The following SMPD2 variants were observed in gnomAD, a reference collection of about 807,000 sequenced individuals.
The protein encoded by SMPD2 is N-SMase.
A neutral mutation model predicts 41.7 loss-of-function variants in SMPD2; 35 were observed. The ratio of observed to expected loss-of-function variants is 0.84; its 90% CI spans 0.64 to 1.11. SMPD2 has a LOEUF of 1.11. Among genes scored for constraint, SMPD2 ranks in the 50% most tolerant of loss-of-function variants. SMPD2 has a pLI of 0.00. For missense variants in SMPD2, 520 were observed against 524.8 expected (o/e 0.99, Z 0.09); for synonymous variants, 201 against 208.2 (o/e 0.97, Z 0.30).
In SMPD2 at chr6:109,443,378, G is replaced by C. The variant is rs367809431; in HGVS notation, c.841G>C (p.Val281Leu). 115 of 1,613,936 alleles carry C rather than the reference G, an allele frequency of 7.1e-5. No homozygotes were observed. Among genetic ancestry groups the C allele is most frequent in the Non-Finnish European group, 9.6e-5 (113 of 1,180,014 alleles). ...DHEALMATLF[V>L]RHSPPQQNPS... is the part of the protein sequence containing the mutation. ...TGAAGCCCTGATGGCTACTCTGTTT[G>C]TGAGGCACAGCCCCCCACAGCAGAA... Residue 281 changes from valine (V) to leucine (L), a missense_variant, in exon 9 of 10, where the codon GTG becomes CTG. Physicochemically the swap from Val to Leu is conservative, Grantham distance 32. Transcript: ENST00000258052.
chr6:109,441,535 C>G lies in SMPD2; in HGVS notation c.148-17C>G, dbSNP rs1237226050. On this transcript the variant is annotated splice_polypyrimidine_tract_variant and intron_variant, in intron 2 of 9. Transcript: ENST00000258052. ...ACTGGGGAAAGACCAAGCAGGCATC[C>G]TCACCGCTTCCCTCAGGTGTGGAGT... 1 of 1,614,090 alleles carries G rather than the reference C, an allele frequency of 6.2e-7. No homozygotes were observed. Among genetic ancestry groups the G allele is most frequent in the Non-Finnish European group, 8.5e-7 (1 of 1,179,912 alleles).
rs1422813336 is a variant in SMPD2 at position 109,442,812 on chromosome 6, A to G, written c.552A>G (p.Glu184=). The change falls in exon 7 of 10, where the codon GAA becomes GAG. Residue 184 remains glutamate, a synonymous_variant. Coordinates refer to ENST00000258052, the MANE Select transcript of SMPD2 (RefSeq NM_003080.3). ...LLCGDLNMHP[E]DLGCCLLKEW... ...GTGGAGACCTCAACATGCACCCAGAAGACCTGGGCTGCTGCCTGCTGAAGG... is the reference window on the plus strand; with the variant it reads ...GTGGAGACCTCAACATGCACCCAGAGGACCTGGGCTGCTGCCTGCTGAAGG... The G allele has an allele frequency of 6.2e-7, 1 of 1,614,164 alleles. No homozygotes were observed.
In SMPD2 at chr6:109,443,536, G is replaced by A. The variant is rs761358052; in HGVS notation, c.903G>A (p.Pro301=). The A allele has an allele frequency of 1.7e-5, 28 of 1,612,340 alleles. No individual in the cohort carries two copies. The highest frequency in any genetic ancestry group is 6.7e-5 in the African/African-American group (5 of 74,906). ...TTGTAGGACCAGCAGAGAGGTCGCCGTTGATGTGTGTGCTAAAGGAGGCCT... is the reference window on the plus strand; with the variant it reads ...TTGTAGGACCAGCAGAGAGGTCGCCATTGATGTGTGTGCTAAAGGAGGCCT... ...SSTHGPAERS[P]LMCVLKEAWT... Residue 301 remains proline, a synonymous_variant, in exon 10 of 10, where the codon CCG becomes CCA. Transcript: ENST00000258052.
In SMPD2 at chr6:109,442,311, T is replaced by C. The variant is rs946353268; in HGVS notation, c.408+12T>C. On this transcript the variant is annotated intron_variant, in intron 5 of 9. Transcript: ENST00000258052. ...CCTATGTGACCCATGTGAGTGAAGC[T>C]GGCAGTGCCTAGGGCTGGGACATGC... is the stretch of plus-strand genomic sequence containing the variant. 6.2e-7 allele frequency: 1 copy of C among 1,611,916 alleles called. No individual in the cohort carries two copies. Among genetic ancestry groups the C allele is most frequent in the Non-Finnish European group, 8.5e-7 (1 of 1,177,934 alleles).
At chr6:109,441,299 G>A in intron 1 of SMPD2, 58 bp from the exon 2 acceptor site, 3 of 1,586,404 alleles carry the variant, frequency 1.9e-6, no homozygotes, top group South Asian at 2.2e-5. Flanking sequence ...TCCACATCTG[G>A]CCCCAGCGCC....
At position 109,442,010 on chromosome 6, in the gene SMPD2, A is replaced by T; in HGVS notation, c.261A>T (p.Lys87Asn). Residue 87 changes from lysine to asparagine, a missense_variant, in exon 4 of 10, where the codon AAA becomes AAT. Physicochemically the swap from Lys to Asn is moderately conservative, Grantham distance 94 (BLOSUM62 0). Transcript: ENST00000258052. ...IIGSGLCVFS[K>N]HPIQELTQHI... ...GCAGTGGCCTCTGTGTCTTCTCCAA[A>T]CATCCAATCCAGGAGCTTACCCAGC... 1 of 1,614,192 alleles carries T rather than the reference A, an allele frequency of 6.2e-7. No homozygotes were observed. Among genetic ancestry groups the T allele is most frequent in the Non-Finnish European group, 8.5e-7 (1 of 1,180,030 alleles).
At position 109,443,500 on chromosome 6, in the gene SMPD2, G is replaced by T. The variant is rs772638583; in HGVS notation, c.884-17G>T. 1 of 1,608,286 alleles carries T rather than the reference G, an allele frequency of 6.2e-7. No homozygotes were observed. The highest frequency in any genetic ancestry group is 8.5e-7 in the Non-Finnish European group (1 of 1,176,184). On this transcript the variant is annotated splice_polypyrimidine_tract_variant and intron_variant, in intron 9 of 9. Coordinates refer to ENST00000258052, the MANE Select transcript of SMPD2 (RefSeq NM_003080.3). ...ACTCTTGACTCTCTCCTGCCCCACT[G>T]CCCTGCTCTGTTGTAGGACCAGCAG...
rs897438085 is a variant in SMPD2, at chr6:109,440,754, G to C, written c.-368G>C. On this transcript the variant is annotated 5_prime_UTR_variant, in exon 1 of 10. Transcript: ENST00000258052. ...ACTTTGCGCCTGTTGCTGGGCCGCCGGCGCGCGGGCGGCCGCGACCGCCGG... is the reference window on the plus strand; with the variant it reads ...ACTTTGCGCCTGTTGCTGGGCCGCCCGCGCGCGGGCGGCCGCGACCGCCGG... The C allele has an allele frequency of 2.0e-5, 8 of 403,940 alleles. No individual in the cohort carries two copies. The highest frequency in any genetic ancestry group is 3.0e-5 in the Non-Finnish European group (8 of 264,354). 25.0% of individuals were successfully genotyped at this position (403,940 alleles called of 1,614,324 possible). A position where few individuals can be genotyped will look rare whatever the true frequency, so the allele number is the denominator to read the frequency against.
At chr6:109,443,195 G>C (rs1775027242) in intron 8 of SMPD2, 72 bp from the exon 9 acceptor site, 6 of 1,580,026 alleles carry the variant, frequency 3.8e-6, no homozygotes, top group Non-Finnish European at 4.3e-6. Context: ...TGGAAAGTGG[G>C]GTAGCCGGGA....
In SMPD2 at chr6:109,443,867, C is replaced by T. The variant is rs1161593411; in HGVS notation, c.1234C>T (p.Leu412=). Residue 412 remains leucine (L), a synonymous_variant, in exon 10 of 10, where the codon CTG becomes TTG. Transcript: ENST00000258052. ...CCCAGAGCCTCAGCCAGCCCTACTC[C>T]TGGGGCAGCAGGAGGGGGACAGAAC... ...LGPEPQPALL[L]GQQEGDRTKE... 6.8e-6 allele frequency: 11 copies of T among 1,612,860 alleles called. No individual in the cohort carries two copies. Among genetic ancestry groups the T allele is most frequent in the Non-Finnish European group, 8.5e-6 (10 of 1,179,686 alleles).
In SMPD2 at chr6:109,440,984, C is replaced by T. The variant is rs1774840351; in HGVS notation, c.-138C>T. ...GGAGTCGGGCCCGACCTGAGCCACG[C>T]GGGCTTGGTGCCCACCTGTGCGCGC... On this transcript the variant is annotated 5_prime_UTR_variant, in exon 1 of 10. Transcript: ENST00000258052. 6 of 810,942 alleles carry T rather than the reference C, an allele frequency of 7.4e-6. No individual in the cohort carries two copies. In the Admixed American group the frequency reaches 1.5e-4, roughly 20 times the overall value. The allele number at this position is 810,942 out of a possible 1,614,324, so 50.2% of individuals were successfully genotyped here.
At chr6:109,442,169 T>C (rs1309100962) in intron 4 of SMPD2, 41 bp from the exon 5 acceptor site, 2 of 1,603,176 alleles carry the variant, frequency 1.2e-6, no homozygotes, top group Non-Finnish European at 1.7e-6. Flanking sequence ...GGCAGAAAGA[T>C]GGTGGCGGTG....
At position 109,440,728 on chromosome 6, in the gene SMPD2, A is replaced by C; in HGVS notation, c.-394A>C. The C allele has an allele frequency of 3.9e-6, 2 of 513,478 alleles. No homozygotes were observed. The highest frequency in any genetic ancestry group is 5.3e-6 in the Non-Finnish European group (2 of 376,174). The allele number at this position is 513,478 out of a possible 1,614,324, so 31.8% of individuals were successfully genotyped here. On this transcript the variant is annotated 5_prime_UTR_variant, in exon 1 of 10. Coordinates refer to ENST00000258052, the MANE Select transcript of SMPD2 (RefSeq NM_003080.3). The stretch of plus-strand genomic sequence containing the variant: ...GCCCGTGGCGGCTGGGCCTTTCCTC[A>C]ACTTTGCGCCTGTTGCTGGGCCGCC...
rs369436842 is a variant in SMPD2 at position 109,442,698 on chromosome 6, T to C, written c.492-54T>C. ...CTGAGGGTGAACAAGGCCCCAGTCA[T>C]GGGGAAGAGCTGGTGATGGAAGAAC... is the stretch of plus-strand genomic sequence containing the variant. On this transcript the variant is annotated intron_variant, in intron 6 of 9. Transcript: ENST00000258052. The C allele has an allele frequency of 3.7e-5, 59 of 1,613,952 alleles. No individual in the cohort carries two copies. The South Asian group carries it at 6.0e-4, about 17-fold the overall frequency.
chr6:109,443,188 A>G, intron 8 of SMPD2, 79 bp from the exon 9 acceptor site: 1 of 1,571,108 alleles, frequency 6.4e-7, no homozygotes, highest in South Asian at 1.1e-5. Flanking sequence ...TGATGGGTGG[A>G]AAGTGGGGTA....
chr6:109,441,696 T>A, intron 3 of SMPD2, 68 bp downstream of exon 3: 1 of 1,414,064 alleles, frequency 7.1e-7, no homozygotes, highest in Non-Finnish European at 1.0e-6. Context: ...AGCCCTTCCC[T>A]ATCCTGCCTG....
At position 109,441,395 on chromosome 6, in the gene SMPD2, T is replaced by G. The variant is rs1285460556; in HGVS notation, c.89T>G (p.Met30Arg). Residue 30 changes from methionine (M) to arginine (R), a missense_variant, in exon 2 of 10, where the codon ATG becomes AGG. By Grantham distance (91) the Met-to-Arg change is moderately conservative. Transcript: ENST00000258052. ...TTGAGCAAGCACCGGGCCGACCGCA[T>G]GAGGCGCCTGGGAGACTTTCTGAAC... ...PYLSKHRADR[M>R]RRLGDFLNQE... 10 of 1,614,026 alleles carry G rather than the reference T, an allele frequency of 6.2e-6. No homozygotes were observed. The highest frequency in any genetic ancestry group is 1.7e-5 in the Admixed American group (1 of 60,004).
In SMPD2 at chr6:109,441,980, C is replaced by T; in HGVS notation, c.231C>T (p.Ile77=). ...AGCAGGGCTTGGCTTTCAGCGGAAT[C>T]ATTGGCAGTGGCCTCTGTGTCTTCT... ...YPAAHHFRSG[I]IGSGLCVFSK... is the part of the protein sequence containing the mutation. Residue 77 remains isoleucine, a synonymous_variant, in exon 4 of 10, where the codon ATC becomes ATT. Transcript: ENST00000258052. 6.2e-7 allele frequency: 1 copy of T among 1,614,126 alleles called. No individual in the cohort carries two copies. Among genetic ancestry groups the T allele is most frequent in the Non-Finnish European group, 8.5e-7 (1 of 1,179,932 alleles).
rs544091187 is a variant in SMPD2, at chr6:109,442,848, G to A, written c.588G>A (p.Gly196=). ...GCTGCCTGCTGAAGGAGTGGACAGG[G>A]CTTCATGATGCCTATCTTGAAACTC... The part of the protein sequence containing the change: ...LGCCLLKEWT[G]LHDAYLETRD... The change falls in exon 7 of 10, where the codon GGG becomes GGA. Residue 196 remains glycine, a synonymous_variant. Transcript: ENST00000258052. The A allele has an allele frequency of 2.1e-4, 336 of 1,613,756 alleles. 6 individuals carry two copies. The South Asian group carries it at 3.6e-3, about 17-fold the overall frequency.
Sources: allele counts gnomAD v4.1 joint callset, GRCh38; gene constraint gnomAD v4.1.1; transcripts MANE v1.5; gene names NCBI Gene and HGNC (gene_info 2026-07-23, HGNC 2026-07-21).